The following CDIN1 variants were observed in gnomAD, a reference collection of about 807,000 sequenced individuals.
CDIN1 encodes the protein CDAN1 interacting nuclease 1.
CDIN1 carries 33 observed loss-of-function variants against 45.3 expected under a neutral mutation model. The ratio of observed to expected loss-of-function variants is 0.73; its 90% CI spans 0.55 to 0.97. The LOEUF (loss-of-function observed/expected upper bound fraction) is 0.97, where lower values mean the gene tolerates loss of function less well. CDIN1 is among the 50% of genes least tolerant of loss of function. CDIN1 has a pLI of 0.00. For missense variants in CDIN1, 303 were observed against 339.4 expected (o/e 0.89, Z 0.84); for synonymous variants, 118 against 124.4 (o/e 0.95, Z 0.34).
intron 1 of CDIN1, among the ~76,000 whole-genome samples, chr15:36,592,389 C>G (rs142184431): frequency 5.8e-4 from 88 of 152,338 alleles, no homozygotes; most frequent in African/African-American, 2.1e-3. Context: ...AGCCCTACCA[C>G]CCCTCACTAC....
At chr15:36,729,930 C>G (rs577363806) in intron 10 of CDIN1, among the ~76,000 whole-genome samples, 6 of 152,284 alleles carry the variant, frequency 3.9e-5, no homozygotes, top group Non-Finnish European at 8.8e-5. Flanking sequence ...ATGATTTGTT[C>G]TGTCAAGTTA....
At chr15:36,759,717 G>A (rs1015787012) in intron 10 of CDIN1, among the ~76,000 whole-genome samples, 2 of 152,136 alleles carry the variant, frequency 1.3e-5, no homozygotes, top group Non-Finnish European at 2.9e-5. Flanking sequence ...AGTTCCACAG[G>A]TTATACAGAA....
At chr15:36,604,910 T>C (rs2038289879) in intron 1 of CDIN1, among the ~76,000 whole-genome samples, 1 of 152,182 alleles carries the variant, frequency 6.6e-6, no homozygotes, top group Non-Finnish European at 1.5e-5. Flanking sequence ...TTTTCTGACA[T>C]AGAAAATATC....
chr15:36,779,520 G>A (rs2141049208), intron 10 of CDIN1, among the ~76,000 whole-genome samples: 1 of 152,282 alleles, frequency 6.6e-6, no homozygotes. Flanking sequence ...GTAGATTCCT[G>A]AGCCTGCCCC....
At chr15:36,629,711 A>G (rs2039601800) in intron 1 of CDIN1, among the ~76,000 whole-genome samples, 1 of 152,186 alleles carries the variant, frequency 6.6e-6, no homozygotes, top group Non-Finnish European at 1.5e-5. Context: ...GCATCAGGCT[A>G]CCATGATTAA....
At chr15:36,605,637 A>C (rs1381640146) in intron 1 of CDIN1, among the ~76,000 whole-genome samples, 3 of 152,228 alleles carry the variant, frequency 2.0e-5, no homozygotes, top group Non-Finnish European at 4.4e-5. Context: ...TAATCCCTCA[A>C]GAATTTAGAG....
chr15:36,583,266 T>C (rs1294823094), intron 1 of CDIN1, among the ~76,000 whole-genome samples: 1 of 152,252 alleles, frequency 6.6e-6, no homozygotes, highest in Non-Finnish European at 1.5e-5. Context: ...TTTTTTATTC[T>C]TAATTTTTAA....
intron 10 of CDIN1, among the ~76,000 whole-genome samples, chr15:36,771,537 C>T (rs1265771049): frequency 6.6e-6 from 1 of 152,164 alleles, no homozygotes; most frequent in Non-Finnish European, 1.5e-5. Flanking sequence ...GAAGGAGGCT[C>T]ACTGGTTGCT....
At chr15:36,718,126 A>T (rs751186075) in intron 10 of CDIN1, among the ~76,000 whole-genome samples, 1 of 151,602 alleles carries the variant, frequency 6.6e-6, no homozygotes, top group Admixed American at 6.6e-5. Context: ...TTTTGAGAAG[A>T]CTCTTTTTTC....
rs371597235 is a variant in CDIN1 at position 36,689,463 on chromosome 15, G to A, written c.347-2222G>A. On this transcript the variant is annotated intron_variant, in intron 5 of 10. Coordinates refer to ENST00000566621, the MANE Select transcript of CDIN1 (RefSeq NM_001321759.2). ...TGAGAGTTGGAATGTACCATGACTG[G>A]GGTCCATACAGAGAAGGTGCTCCTA... Among the ~76,000 whole-genome samples, 120 of 152,248 alleles carry A rather than the reference G, an allele frequency of 7.9e-4. 1 individual carries two copies. Among genetic ancestry groups the A allele is most frequent in the Middle Eastern group, 6.8e-3 (2 of 294 alleles).
At chr15:36,581,822 A>C (rs536955611) in intron 1 of CDIN1, among the ~76,000 whole-genome samples, 1 of 152,360 alleles carries the variant, frequency 6.6e-6, no homozygotes, top group African/African-American at 2.4e-5. Flanking sequence ...GGTGATTGTT[A>C]CCTTGTTGCA....
intron 10 of CDIN1, among the ~76,000 whole-genome samples, chr15:36,795,466 ATGGTACAGTGAAACTT>A (rs1156427998): frequency 6.6e-6 from 1 of 152,156 alleles, no homozygotes; most frequent in East Asian, 1.9e-4. Context: ...TGTATTCAAG[ATGGTACAGTGAAACTT>A]CATTGCCCTG....
intron 7 of CDIN1, among the ~76,000 whole-genome samples, chr15:36,695,575 A>G (rs561080965): frequency 4.0e-4 from 61 of 152,270 alleles, no homozygotes; most frequent in Non-Finnish European, 8.5e-4. Context: ...GGCTGGGTGC[A>G]GTGGCTCACA....
At chr15:36,804,594 A>G (rs1425489123) in intron 10 of CDIN1, 3 of 150,688 alleles carry the variant, frequency 2.0e-5, no homozygotes, top group African/African-American at 7.3e-5. Context: ...ACAGGTATGC[A>G]CAGAAGGGCC....
intron 1 of CDIN1, among the ~76,000 whole-genome samples, chr15:36,637,695 A>G (rs1023726985): frequency 2.6e-5 from 4 of 152,350 alleles, no homozygotes; most frequent in East Asian, 1.9e-4. Flanking sequence ...ATATTCAACA[A>G]TAGAATAGAT....
At chr15:36,616,779 G>T (rs1466738453) in intron 1 of CDIN1, among the ~76,000 whole-genome samples, 1 of 151,922 alleles carries the variant, frequency 6.6e-6, no homozygotes, top group South Asian at 2.1e-4. Context: ...ACAAAAATTA[G>T]CCAGGCATGG....
At chr15:36,798,261 A>G (rs1169102146) in intron 10 of CDIN1, among the ~76,000 whole-genome samples, 1 of 152,184 alleles carries the variant, frequency 6.6e-6, no homozygotes, top group Admixed American at 6.5e-5. Context: ...ATAATTTTTG[A>G]AGACCCATTT....
intron 10 of CDIN1, among the ~76,000 whole-genome samples, chr15:36,722,313 C>CTCTCTCTCTCTA (rs777923049): frequency 1.7e-5 from 1 of 60,002 alleles, no homozygotes; most frequent in East Asian, 1.8e-3. Flanking sequence ...ATCTCTCTCT[C>CTCTCTCTCTCTA]TCTCTCTCTC....
chr15:36,609,284 G>C (rs1463620284), intron 1 of CDIN1, among the ~76,000 whole-genome samples: 1 of 152,114 alleles, frequency 6.6e-6, no homozygotes, highest in Admixed American at 6.5e-5. Context: ...CCAAAGTTTT[G>C]GGATTATAGG....
Sources: allele counts gnomAD v4.1 joint callset (sites outside exome capture counted in the v4.1 genomes callset), GRCh38; gene constraint gnomAD v4.1.1; transcripts MANE v1.5; gene names NCBI Gene and HGNC (gene_info 2026-07-23, HGNC 2026-07-21).